The following CSF2RB variants were observed in gnomAD, a reference collection of about 807,000 sequenced individuals.
The protein encoded by CSF2RB is cytokine receptor common subunit beta.
CSF2RB carries 22 observed loss-of-function variants against 67.2 expected under a neutral mutation model. That is an observed-to-expected ratio of 0.33 (90% confidence interval 0.23 to 0.47). The LOEUF (loss-of-function observed/expected upper bound fraction) is 0.47, where lower values mean the gene tolerates loss of function less well. CSF2RB is among the 20% of genes least tolerant of loss of function. CSF2RB has a pLI of 1.00. For missense variants in CSF2RB, 1,113 were observed against 1,174.5 expected (o/e 0.95, Z 0.76); for synonymous variants, 507 against 482.9 (o/e 1.05, Z -0.65).
chr22:36,938,180 G>C lies in CSF2RB; in HGVS notation c.2372G>C (p.Ser791Thr). The C allele has an allele frequency of 6.2e-7, 1 of 1,614,138 alleles. No individual in the cohort carries two copies. The highest frequency in any genetic ancestry group is 1.1e-5 in the South Asian group (1 of 91,088). Residue 791 changes from serine (S) to threonine (T), a missense_variant, in exon 14 of 14, where the codon AGC (serine) becomes ACC (threonine). Ser to Thr is a moderately conservative substitution (Grantham distance 58, BLOSUM62 1). Coordinates refer to ENST00000403662, the MANE Select transcript of CSF2RB (RefSeq NM_000395.3). ...RNNPVPPEAK[S>T]PVLNPGERPA... ...AATCCTGTCCCCCCTGAGGCCAAAAGCCCTGTCCTGAACCCAGGGGAACGC... is the reference window on the plus strand; with the variant it reads ...AATCCTGTCCCCCCTGAGGCCAAAACCCCTGTCCTGAACCCAGGGGAACGC...
chr22:36,929,106 G>C (rs114613189), intron 4 of CSF2RB, among the ~76,000 whole-genome samples: 3 of 152,174 alleles, frequency 2.0e-5, no homozygotes, highest in Non-Finnish European at 4.4e-5. Context: ...CGTGGGCAGT[G>C]GGGAGCCTCA....
chr22:36,929,259 G>T, intron 4 of CSF2RB, 143 bp from the exon 5 acceptor site: 1 of 1,037,750 alleles, frequency 9.6e-7, no homozygotes, highest in East Asian at 2.4e-5. Context: ...GGCTCACAGA[G>T]GAGACGGGTC....
rs761231207 is a variant in CSF2RB at position 36,922,226 on chromosome 22, C to A, written c.19C>A (p.Leu7Met). 3.1e-6 allele frequency: 5 copies of A among 1,590,660 alleles called. No homozygotes were observed. In the South Asian group the frequency reaches 5.7e-5, roughly 18 times the overall value. ...CAGGGAGATGGTGCTGGCCCAGGGG[C>A]TGCTCTCCATGGCCCTGCTGGCCCT... MVLAQG[L>M]LSMALLALCW... The change falls in exon 2 of 14, where the codon CTG (leucine) becomes ATG (methionine). Residue 7 changes from leucine to methionine, a missense_variant. By Grantham distance (15) the Leu-to-Met change is conservative (BLOSUM62 2). Transcript: ENST00000403662.
chr22:36,930,507 C>G lies in CSF2RB; in HGVS notation c.851C>G (p.Ala284Gly). The change falls in exon 7 of 14, where the codon GCA becomes GGA. Residue 284 changes from alanine (A) to glycine (G), a missense_variant. Coordinates refer to ENST00000403662, the MANE Select transcript of CSF2RB (RefSeq NM_000395.3). ...FGLFYKPSPD[A>G]GEEECSPVLR... is the part of the protein sequence containing the mutation. ...CTATTCTACAAGCCCAGCCCAGATG[C>G]AGGGTGAGCATCTTTTTTCTCCATC... 1 of 1,613,446 alleles carries G rather than the reference C, an allele frequency of 6.2e-7. No individual in the cohort carries two copies. The highest frequency in any genetic ancestry group is 8.5e-7 in the Non-Finnish European group (1 of 1,180,024).
At chr22:36,932,357 C>T (rs980985700) in intron 8 of CSF2RB, among the ~76,000 whole-genome samples, 6 of 150,068 alleles carry the variant, frequency 4.0e-5, no homozygotes, top group African/African-American at 1.2e-4. Context: ...ATCACTTGAA[C>T]CCAGGAGGCA....
At position 36,938,649 on chromosome 22, in the gene CSF2RB, C is replaced by G. The variant is rs1941327803; in HGVS notation, c.*147C>G. On this transcript the variant is annotated 3_prime_UTR_variant, in exon 14 of 14. Coordinates refer to ENST00000403662, the MANE Select transcript of CSF2RB (RefSeq NM_000395.3). Reference sequence around the variant, plus strand: ...GAAAGGAGATAGCCTTGCTCCGGCCCCCTTGACCTTCAGCAAATCACTTCT... The same window carrying G: ...GAAAGGAGATAGCCTTGCTCCGGCCGCCTTGACCTTCAGCAAATCACTTCT... The G allele has an allele frequency of 1.3e-6, 1 of 795,780 alleles. No individual in the cohort carries two copies. The highest frequency in any genetic ancestry group is 1.7e-5 in the African/African-American group (1 of 57,510). The allele number at this position is 795,780 out of a possible 1,614,324, so 49.3% of individuals were successfully genotyped here. A position where few individuals can be genotyped will look rare whatever the true frequency, so the allele number is the denominator to read the frequency against.
At chr22:36,936,163 G>A (rs1161679623) in intron 12 of CSF2RB, among the ~76,000 whole-genome samples, 2 of 152,130 alleles carry the variant, frequency 1.3e-5, no homozygotes, top group Admixed American at 1.3e-4. Flanking sequence ...GGCCATGTTG[G>A]GAGGCTGAGA....
chr22:36,917,588 T>C (rs1405040544), intron 1 of CSF2RB, among the ~76,000 whole-genome samples: 1 of 152,232 alleles, frequency 6.6e-6, no homozygotes. Flanking sequence ...TTCTTAGTGA[T>C]TTTTAATCTT....
At chr22:36,935,132 T>C (rs865782989) in intron 10 of CSF2RB, among the ~76,000 whole-genome samples, 1 of 152,138 alleles carries the variant, frequency 6.6e-6, no homozygotes, top group Non-Finnish European at 1.5e-5. Flanking sequence ...GACCCTCCTG[T>C]GTCCTCCCAG....
intron 1 of CSF2RB, 55 bp downstream of exon 1, chr22:36,913,732 A>T (rs1940646590): frequency 6.6e-6 from 1 of 152,062 alleles, no homozygotes; most frequent in Admixed American, 6.6e-5. Flanking sequence ...GCAGGGGGGA[A>T]TGTGGGGAGT....
intron 10 of CSF2RB, 98 bp from the exon 11 acceptor site, chr22:36,935,253 C>A (rs574087639): frequency 1.2e-5 from 13 of 1,075,016 alleles, no homozygotes; most frequent in Non-Finnish European, 1.8e-5. Context: ...CTGCACAGAG[C>A]GGGGTCTTAA....
rs1486692405 is a variant in CSF2RB, at chr22:36,914,015, C to T, written c.-173+338C>T. On this transcript the variant is annotated intron_variant, in intron 1 of 13. Transcript: ENST00000403662. ...AGAGCTCAGGCCTGGGAGTCAGGCA[C>T]CTATAGTCTGTCTTCGCTTTGTCAC... Among the ~76,000 whole-genome samples, 10 of 152,074 alleles carry T rather than the reference C, an allele frequency of 6.6e-5. No individual in the cohort carries two copies. In the East Asian group the frequency reaches 7.7e-4, roughly 12 times the overall value.
intron 3 of CSF2RB, among the ~76,000 whole-genome samples, chr22:36,924,523 C>T (rs1358327010): frequency 6.6e-6 from 1 of 152,184 alleles, no homozygotes; most frequent in Non-Finnish European, 1.5e-5. Context: ...CCTGCGGCCC[C>T]TCTTTCTCTG....
chr22:36,932,019 T>G (rs1941154836), intron 8 of CSF2RB, among the ~76,000 whole-genome samples: 1 of 152,268 alleles, frequency 6.6e-6, no homozygotes, highest in Non-Finnish European at 1.5e-5. Flanking sequence ...GGCAAGTTAC[T>G]TAATGGTTCT....
At chr22:36,920,784 AT>A (rs1364536345) in intron 1 of CSF2RB, among the ~76,000 whole-genome samples, 7 of 152,224 alleles carry the variant, frequency 4.6e-5, no homozygotes, top group Non-Finnish European at 8.8e-5. Flanking sequence ...AGGATGTAAC[AT>A]TTTACATTTA....
intron 2 of CSF2RB, chr22:36,922,788 C>CCA: frequency 3.5e-6 from 1 of 289,632 alleles, no homozygotes; most frequent in East Asian, 9.0e-5. Context: ...AATGCTGGGA[C>CCA]CACAGTCCCC....
At chr22:36,919,191 T>C (rs1048603037) in intron 1 of CSF2RB, among the ~76,000 whole-genome samples, 1 of 152,218 alleles carries the variant, frequency 6.6e-6, no homozygotes, top group African/African-American at 2.4e-5. Flanking sequence ...CGGTCTTCCA[T>C]TGTCTTTCAG....
rs367633751 is a variant in CSF2RB at position 36,929,665 on chromosome 22, C to T, written c.576C>T (p.Thr192=). The change falls in exon 6 of 14, where the codon ACC becomes ACT. Residue 192 remains threonine (T), a synonymous_variant. Coordinates refer to ENST00000403662, the MANE Select transcript of CSF2RB (RefSeq NM_000395.3). ...ACGCAGCCATCCTCCTCTCCAACAC[C>T]TCCCAGGCCACCCTGGGGCCAGAGC... The part of the protein sequence containing the change: ...WEDAAILLSN[T]SQATLGPEHL... 8.1e-6 allele frequency: 13 copies of T among 1,614,112 alleles called. No individual in the cohort carries two copies. The highest frequency in any genetic ancestry group is 2.7e-5 in the African/African-American group (2 of 74,942).
At chr22:36,917,921 TC>T (rs1364245918) in intron 1 of CSF2RB, among the ~76,000 whole-genome samples, 1 of 141,210 alleles carries the variant, frequency 7.1e-6, no homozygotes, top group East Asian at 2.3e-4. Flanking sequence ...AGATTCTGTC[TC>T]AAAAAAAAAA....
Sources: gnomAD v4.1 joint callset for allele counts (sites outside exome capture counted in the v4.1 genomes callset) on GRCh38, gnomAD v4.1.1 for gene constraint, MANE v1.5 for transcripts, NCBI Gene and HGNC (gene_info 2026-07-23, HGNC 2026-07-21) for gene names.